Variants in CFAP91 observed in about 807,000 individuals in gnomAD.
CFAP91 encodes cilia- and flagella-associated protein 91.
In CFAP91, 85 loss-of-function variants were observed where a neutral mutation model predicts 95.9. The ratio of observed to expected loss-of-function variants is 0.89; its 90% CI spans 0.74 to 1.06. CFAP91 has a LOEUF of 1.06. Among genes scored for constraint, CFAP91 ranks in the 50% least tolerant of loss-of-function variants. The pLI, the probability that CFAP91 is intolerant of heterozygous loss-of-function variation, is 0.00. For missense variants in CFAP91, 962 were observed against 943.4 expected, an observed-to-expected ratio of 1.02 and a Z score of -0.26; for synonymous variants, 335 against 327.5, an observed-to-expected ratio of 1.02 and a Z score of -0.25.
At chr3:119,718,519 A>G (rs1278600925) in intron 6 of CFAP91, among the ~76,000 whole-genome samples, 2 of 152,228 alleles carry the variant, frequency 1.3e-5, no homozygotes, top group African/African-American at 2.4e-5. Context: ...AGAACTCCCC[A>G]GAACTAAAGA....
chr3:119,748,335 A>G, intron 16 of CFAP91, among the ~76,000 whole-genome samples: 1 of 152,212 alleles, frequency 6.6e-6, no homozygotes, highest in East Asian at 1.9e-4. Flanking sequence ...CTCTGCCTGT[A>G]CCCCAAATAG....
chr3:119,733,337 C>G, intron 9 of CFAP91, 27 bp from the exon 10 acceptor site: 1 of 1,611,204 alleles, frequency 6.2e-7, no homozygotes. Flanking sequence ...GCACTGGATA[C>G]TAAAAACATG....
intron 1 of CFAP91, 155 bp downstream of exon 1, chr3:119,703,377 C>G (rs1298621162): frequency 1.1e-5 from 13 of 1,189,326 alleles, no homozygotes; most frequent in Non-Finnish European, 1.3e-5. Flanking sequence ...GGGGGCAGCT[C>G]CGAGCCCTCC....
Position 119,737,493 on chromosome 3 carries a change from A to G in CFAP91, c.1461+11A>G. 4 of 1,474,558 alleles carry G rather than the reference A, an allele frequency of 2.7e-6. No homozygotes were observed. Among genetic ancestry groups the G allele is most frequent in the Non-Finnish European group, 3.8e-6 (4 of 1,064,096 alleles). The allele number at this position is 1,474,558 out of a possible 1,614,324, so 91.3% of individuals were successfully genotyped here. On this transcript the variant is annotated intron_variant, in intron 11 of 17. Transcript: ENST00000273390. ...GAAATGACGTCCAATGTAAGTTGGAAACTTTTTAGTTGAAATGCTAAATTC... is the reference window on the plus strand; with the variant it reads ...GAAATGACGTCCAATGTAAGTTGGAGACTTTTTAGTTGAAATGCTAAATTC...
intron 5 of CFAP91, among the ~76,000 whole-genome samples, chr3:119,712,570 A>G (rs1477629052): frequency 1.3e-5 from 2 of 152,232 alleles, no homozygotes; most frequent in Non-Finnish European, 2.9e-5. Context: ...AATAATTTCT[A>G]CTGAAAACAT....
chr3:119,712,270 T>C (rs112046807), intron 5 of CFAP91, among the ~76,000 whole-genome samples: 146 of 152,334 alleles, frequency 9.6e-4, no homozygotes, highest in African/African-American at 1.7e-3. Flanking sequence ...TAAGAAACCA[T>C]GTATTAAGTT....
intron 16 of CFAP91, 149 bp from the exon 17 acceptor site, chr3:119,750,788 T>G: frequency 2.5e-6 from 2 of 795,504 alleles, no homozygotes; most frequent in African/African-American, 1.7e-5. Context: ...AACCAGAGAG[T>G]GGGAACAGAG....
At chr3:119,712,442 A>G (rs752735859) in intron 5 of CFAP91, among the ~76,000 whole-genome samples, 69 of 152,292 alleles carry the variant, frequency 4.5e-4, no homozygotes, top group Non-Finnish European at 6.2e-4. Context: ...TTAATTTGAG[A>G]AAAAATAATT....
At position 119,733,389 on chromosome 3, in the gene CFAP91, C is replaced by G; in HGVS notation, c.1227C>G (p.Leu409=). 1 of 1,614,044 alleles carries G rather than the reference C, an allele frequency of 6.2e-7. No individual in the cohort carries two copies. The highest frequency in any genetic ancestry group is 8.5e-7 in the Non-Finnish European group (1 of 1,179,964). The change falls in exon 10 of 18, where the codon CTC becomes CTG. Residue 409 remains leucine, a synonymous_variant. Coordinates refer to ENST00000273390, the MANE Select transcript of CFAP91 (RefSeq NM_033364.4). The part of the protein sequence containing the change: ...YEGLVELESC[L]PDFVTQPQIR... ...GATTAGTGGAACTTGAGTCATGTCT[C>G]CCAGATTTTGTGACACAACCCCAAA...
chr3:119,730,097 G>GCC, intron 7 of CFAP91, 123 bp from the exon 8 acceptor site: 1 of 970,692 alleles, frequency 1.0e-6, no homozygotes. Flanking sequence ...TTGCCAGAGT[G>GCC]GTCTTTTGGC....
At chr3:119,733,327 G>A (rs778364920) in intron 9 of CFAP91, 37 bp from the exon 10 acceptor site, 4 of 1,608,116 alleles carry the variant, frequency 2.5e-6, no homozygotes, top group South Asian at 1.1e-5. Context: ...ATAAACGTAA[G>A]CACTGGATAC....
At position 119,715,579 on chromosome 3, in the gene CFAP91, T is replaced by C. The variant is rs150795242; in HGVS notation, c.518T>C (p.Phe173Ser). 112 of 1,613,978 alleles carry C rather than the reference T, an allele frequency of 6.9e-5. No individual in the cohort carries two copies. The highest frequency in any genetic ancestry group is 8.2e-5 in the Non-Finnish European group (97 of 1,179,964). The change falls in exon 6 of 18, where the codon TTT becomes TCT. Residue 173 changes from phenylalanine (F) to serine (S), a missense_variant. By Grantham distance (155) the Phe-to-Ser change is radical (BLOSUM62 -2). Coordinates refer to ENST00000273390, the MANE Select transcript of CFAP91 (RefSeq NM_033364.4). ...YAVSKAEPYT[F>S]PPTSTKHLSI... The stretch of plus-strand genomic sequence containing the variant: ...TCTTTTAGGGCAGAACCATACACTT[T>C]TCCTCCTACTTCTACTAAGCACCTA...
chr3:119,757,648 A>G (rs908067617), intron 17 of CFAP91, among the ~76,000 whole-genome samples: 51 of 152,338 alleles, frequency 3.3e-4, no homozygotes, highest in African/African-American at 1.1e-3. Flanking sequence ...CCTTGTCTCA[A>G]TAATAATAAA....
Position 119,703,133 on chromosome 3 carries a change from C to CT in CFAP91, c.35_36insT (p.Gln13ProfsTer26). ...GCAGTAACCATCGAGGAGCCCCAGG[C>CT]CCAGCCGCAGGTGTCTCAAACTCGG... On this transcript the variant is annotated frameshift_variant, in exon 1 of 18. Transcript: ENST00000273390. LOFTEE classifies it high-confidence loss of function. 6.3e-7 allele frequency: 1 copy of CT among 1,577,808 alleles called. No homozygotes were observed. Among genetic ancestry groups the CT allele is most frequent in the Non-Finnish European group, 8.6e-7 (1 of 1,161,058 alleles).
intron 1 of CFAP91, 40 bp downstream of exon 1, chr3:119,703,262 C>T: frequency 6.2e-7 from 1 of 1,603,960 alleles, no homozygotes; most frequent in Admixed American, 1.7e-5. Context: ...TCCGTCGCCT[C>T]CTAGGCCAGG....
intron 3 of CFAP91, among the ~76,000 whole-genome samples, 200 bp from the exon 4 acceptor site, chr3:119,708,391 A>C (rs2053413334): frequency 6.6e-6 from 1 of 152,082 alleles, no homozygotes; most frequent in Non-Finnish European, 1.5e-5. Context: ...GCTCTGTCTG[A>C]CTAGGTTCTG....
intron 11 of CFAP91, among the ~76,000 whole-genome samples, chr3:119,738,282 A>G (rs2054047649): frequency 1.4e-5 from 2 of 141,254 alleles, no homozygotes; most frequent in Non-Finnish European, 1.5e-5. Flanking sequence ...GTGCTGCTGG[A>G]TAACATTCTC....
In CFAP91 at chr3:119,732,354, T is replaced by C. The variant is rs748951673; in HGVS notation, c.1079T>C (p.Ile360Thr). 1.2e-6 allele frequency: 2 copies of C among 1,612,008 alleles called. No homozygotes were observed. Among genetic ancestry groups the C allele is most frequent in the Admixed American group, 3.3e-5 (2 of 59,752 alleles). The change falls in exon 9 of 18, where the codon ATC becomes ACC. Residue 360 changes from isoleucine (I) to threonine (T), a missense_variant. Transcript: ENST00000273390. ...NIEGKLERRN[I>T]IKDYSDYASQ... ...GAAGGGAAGTTGGAGAGAAGAAATATCATCAAGGATTATTCTGATTATGCA... is the reference window on the plus strand; with the variant it reads ...GAAGGGAAGTTGGAGAGAAGAAATACCATCAAGGATTATTCTGATTATGCA...
Position 119,766,289 on chromosome 3 carries a change from A to G in CFAP91, c.*1239A>G, listed in dbSNP as rs948073377. 1 of 152,176 alleles carries G rather than the reference A, an allele frequency of 6.6e-6. No individual in the cohort carries two copies. The allele number at this position is 152,176 out of a possible 1,614,324, so 9.4% of individuals were successfully genotyped here. A position where few individuals can be genotyped will look rare whatever the true frequency, so the allele number is the denominator to read the frequency against. ...AACCAGAACAAATAAAATAGAAACA[A>G]TAATCAGAGTTTAATAATTAATTTT... On this transcript the variant is annotated 3_prime_UTR_variant, in exon 18 of 18. Transcript: ENST00000273390.
Sources: gnomAD v4.1 joint callset for allele counts (sites outside exome capture counted in the v4.1 genomes callset) on GRCh38, gnomAD v4.1.1 for gene constraint, MANE v1.5 for transcripts, NCBI Gene and HGNC (gene_info 2026-07-23, HGNC 2026-07-21) for gene names.